The following EYA1 variants were observed in gnomAD, a reference collection of about 807,000 sequenced individuals.
EYA1 encodes EYA transcriptional coactivator and phosphatase 1, also known as protein phosphatase EYA1.
Under a neutral mutation model 82.0 loss-of-function variants are expected in EYA1, and 16 were observed. The observed-to-expected ratio is 0.20, with a 90% CI of 0.13 to 0.30. EYA1 has a LOEUF of 0.30. Ranked by LOEUF, EYA1 falls within the 10% of genes least tolerant of loss-of-function variation. The pLI is 1.00. For missense variants in EYA1, 633 were observed against 730.7 expected, an observed-to-expected ratio of 0.87 and a Z score of 1.54; for synonymous variants, 261 against 264.4, an observed-to-expected ratio of 0.99 and a Z score of 0.12.
chr8:71,204,756 T>C (rs1274839603), intron 17 of EYA1, among the ~76,000 whole-genome samples: 2 of 152,232 alleles, frequency 1.3e-5, no homozygotes, highest in South Asian at 2.1e-4. Flanking sequence ...GTTTTGCAGA[T>C]GGAATTACAA....
At chr8:71,364,991 TAC>T (rs148126043), upstream of EYA1, among the ~76,000 whole-genome samples, 129 of 122,512 alleles carry the variant, frequency 1.1e-3, 1 homozygote, top group African/African-American at 2.1e-3. Context: ...TATATACATA[TAC>T]ACACACACAC....
chr8:71,453,964 A>T (rs1807636308), intron 2 of EYA1, among the ~76,000 whole-genome samples: 1 of 152,240 alleles, frequency 6.6e-6, no homozygotes, highest in Admixed American at 6.5e-5. Context: ...CAATTAAAAG[A>T]CACAGACTGG....
At chr8:71,261,547 T>C (rs1002758736) in intron 11 of EYA1, among the ~76,000 whole-genome samples, 2 of 152,178 alleles carry the variant, frequency 1.3e-5, no homozygotes, top group Admixed American at 1.3e-4. Context: ...TGACACTCGA[T>C]TGTGTTAATT....
At chr8:71,245,379 A>T (rs1037927590) in intron 11 of EYA1, among the ~76,000 whole-genome samples, 3 of 151,992 alleles carry the variant, frequency 2.0e-5, no homozygotes, top group Admixed American at 2.0e-4. Context: ...GGCGCGCACC[A>T]ACACGACCAG....
chr8:71,451,333 GTGAA>G (rs1294084032), intron 2 of EYA1, among the ~76,000 whole-genome samples: 1 of 152,158 alleles, frequency 6.6e-6, no homozygotes, highest in Non-Finnish European at 1.5e-5. Flanking sequence ...AAAATTTTCT[GTGAA>G]TGGATTAAAT....
chr8:71,292,184 A>T (rs150462960), intron 9 of EYA1, among the ~76,000 whole-genome samples: 313 of 152,234 alleles, frequency 2.1e-3, no homozygotes, highest in Non-Finnish European at 3.9e-3. Flanking sequence ...GATTAGTAGT[A>T]ATATGACTTA....
At chr8:71,203,675 A>G (rs1807366361) in intron 17 of EYA1, among the ~76,000 whole-genome samples, 1 of 152,204 alleles carries the variant, frequency 6.6e-6, no homozygotes, top group South Asian at 2.1e-4. Context: ...TGTCTTGTAA[A>G]TGGAAGGAGC....
intron 2 of EYA1, 53 bp downstream of exon 2, chr8:71,356,409 T>G: frequency 1.2e-5 from 17 of 1,448,774 alleles, no homozygotes; most frequent in Non-Finnish European, 1.5e-5. Flanking sequence ...AAAATAGATA[T>G]GGGTCACAGA....
At chr8:71,307,407 C>A (rs376127842) in intron 7 of EYA1, among the ~76,000 whole-genome samples, 1 of 152,062 alleles carries the variant, frequency 6.6e-6, no homozygotes, top group Non-Finnish European at 1.5e-5. Context: ...CAGGTTCAAG[C>A]GACTCTCGTG....
intron 2 of EYA1, among the ~76,000 whole-genome samples, chr8:71,454,006 G>GTGC (rs1274068141): frequency 5.3e-5 from 8 of 152,112 alleles, no homozygotes; most frequent in African/African-American, 1.9e-4. Context: ...ACCCATCAGT[G>GTGC]TGCTGTATTC....
At chr8:71,477,171 A>G (rs1192198559) in intron 2 of EYA1, among the ~76,000 whole-genome samples, 1 of 152,134 alleles carries the variant, frequency 6.6e-6, no homozygotes, top group Non-Finnish European at 1.5e-5. Flanking sequence ...TCAGCCAAAG[A>G]TTTCTTTAGA....
At chr8:71,246,614 G>GC (rs1327291464) in intron 11 of EYA1, among the ~76,000 whole-genome samples, 1 of 152,184 alleles carries the variant, frequency 6.6e-6, no homozygotes, top group Non-Finnish European at 1.5e-5. Flanking sequence ...GCCAGACCCT[G>GC]CCTTTGCTTT....
intron 11 of EYA1, among the ~76,000 whole-genome samples, chr8:71,265,427 T>C (rs556702928): frequency 3.3e-5 from 5 of 152,234 alleles, no homozygotes; most frequent in Non-Finnish European, 7.3e-5. Flanking sequence ...ATCTTAAGTG[T>C]TCATGTTTTG....
intron 2 of EYA1, among the ~76,000 whole-genome samples, chr8:71,476,176 A>G (rs2129206601): frequency 6.6e-6 from 1 of 152,286 alleles, no homozygotes; most frequent in African/African-American, 2.4e-5. Flanking sequence ...AGTCTCAGAA[A>G]TTAAAATAAT....
intron 2 of EYA1, among the ~76,000 whole-genome samples, chr8:71,461,649 C>T (rs1586763827): frequency 6.6e-6 from 1 of 152,140 alleles, no homozygotes; most frequent in Admixed American, 6.5e-5. Flanking sequence ...ACTCTTTTAG[C>T]CTCACCATTT....
intron 2 of EYA1, among the ~76,000 whole-genome samples, chr8:71,417,345 A>G (rs1830908998): frequency 6.6e-6 from 1 of 152,186 alleles, no homozygotes. Context: ...TTTGCCCCTC[A>G]TGGGACATTT....
intron 17 of EYA1, among the ~76,000 whole-genome samples, chr8:71,203,920 G>A (rs1295369674): frequency 6.6e-6 from 1 of 152,138 alleles, no homozygotes; most frequent in Non-Finnish European, 1.5e-5. Flanking sequence ...ATGTCTGAGT[G>A]GGCCAACTGG....
At chr8:71,473,543 G>A (rs952976838) in intron 2 of EYA1, among the ~76,000 whole-genome samples, 13 of 152,078 alleles carry the variant, frequency 8.5e-5, no homozygotes, top group African/African-American at 2.7e-4. Flanking sequence ...TAAAAAGTCA[G>A]GAAACAACAG....
At chr8:71,304,322 G>A (rs1329975651) in intron 7 of EYA1, among the ~76,000 whole-genome samples, 1 of 142,672 alleles carries the variant, frequency 7.0e-6, no homozygotes, top group African/African-American at 2.5e-5. Context: ...AAGCAACTGT[G>A]GCAGAGCTGG....
Sources: gnomAD v4.1 joint callset for allele counts (sites outside exome capture counted in the v4.1 genomes callset) on GRCh38, gnomAD v4.1.1 for gene constraint, MANE v1.5 for transcripts, NCBI Gene and HGNC (gene_info 2026-07-23, HGNC 2026-07-21) for gene names.